The following TEP1 variants were observed in gnomAD, a reference collection of about 807,000 sequenced individuals.
TEP1 encodes the protein telomerase associated protein 1, also known as telomerase protein component 1.
Under a neutral mutation model 306.3 loss-of-function variants are expected in TEP1, and 241 were observed. The observed-to-expected ratio is 0.79, with a 90% confidence interval of 0.71 to 0.88. The LOEUF (loss-of-function observed/expected upper bound fraction) is 0.88, where lower values mean the gene tolerates loss of function less well. TEP1 is among the 40% of genes least tolerant of loss of function. The pLI, the probability that TEP1 is intolerant of heterozygous loss-of-function variation, is 0.00. For missense variants in TEP1, 3,051 were observed against 3,276.1 expected (o/e 0.93, Z 1.68); for synonymous variants, 1,289 against 1,305.5 (o/e 0.99, Z 0.27).
intron 6 of TEP1, 26 bp from the exon 7 acceptor site, chr14:20,403,474 A>G (rs1262160556): frequency 1.2e-6 from 2 of 1,613,090 alleles, no homozygotes; most frequent in East Asian, 2.2e-5. Context: ...AAGCAATTTC[A>G]AAAAAAGGGA....
intron 45 of TEP1, 33 bp from the exon 46 acceptor site, chr14:20,373,616 G>C (rs1200089229): frequency 6.2e-7 from 1 of 1,614,072 alleles, no homozygotes; most frequent in South Asian, 1.1e-5. Flanking sequence ...TCAGAAGAAG[G>C]GACGGAGCAG....
chr14:20,399,985 C>T (rs1468525343), intron 9 of TEP1, among the ~76,000 whole-genome samples: 2 of 150,860 alleles, frequency 1.3e-5, no homozygotes, highest in Non-Finnish European at 3.0e-5. Flanking sequence ...GGTGAAACGC[C>T]GTCTCTACTA....
chr14:20,386,373 A>T, intron 19 of TEP1, 74 bp downstream of exon 19: 1 of 1,572,742 alleles, frequency 6.4e-7, no homozygotes, highest in Non-Finnish European at 8.6e-7. Flanking sequence ...TGCAGCCCCA[A>T]CCATGCCCAC....
At chr14:20,382,776 C>A in intron 27 of TEP1, 61 bp from the exon 28 acceptor site, 1 of 1,512,486 alleles carries the variant, frequency 6.6e-7, no homozygotes, top group Non-Finnish European at 9.2e-7. Context: ...AGCCCTCTGC[C>A]CCAGCACCAG....
chr14:20,389,782 A>G, intron 15 of TEP1, 42 bp from the exon 16 acceptor site: 1 of 1,611,332 alleles, frequency 6.2e-7, no homozygotes, highest in Non-Finnish European at 8.5e-7. Flanking sequence ...AAGGGATGCT[A>G]GACAGCCCAG....
Position 20,385,113 on chromosome 14 carries a change from C to T in TEP1, c.2983-4G>A, listed in dbSNP as rs775179391. 7.4e-6 allele frequency: 12 copies of T among 1,613,676 alleles called. No individual in the cohort carries two copies. The highest frequency in any genetic ancestry group is 4.4e-5 in the South Asian group (4 of 91,054). On this transcript the variant is annotated splice_region_variant and splice_polypyrimidine_tract_variant and intron_variant, in intron 20 of 54. Transcript: ENST00000262715. ...GCCCTGAAGGGTACTGCTGGGCCTG[C>T]GGGGAGGACAGAGACAGTGAGTTTA...
intron 7 of TEP1, among the ~76,000 whole-genome samples, chr14:20,402,668 A>G (rs1480623217): frequency 6.6e-6 from 1 of 152,212 alleles, no homozygotes; most frequent in Non-Finnish European, 1.5e-5. Context: ...CATAGCCAGT[A>G]AGGGGTGGAT....
At chr14:20,375,319 G>C (rs565168246) in intron 43 of TEP1, among the ~76,000 whole-genome samples, 1 of 152,102 alleles carries the variant, frequency 6.6e-6, no homozygotes, top group Admixed American at 6.5e-5. Context: ...ACCACGCCTG[G>C]CTAATTTTGT....
chr14:20,395,748 C>A, intron 11 of TEP1, 111 bp downstream of exon 11: 8 of 1,490,342 alleles, frequency 5.4e-6, no homozygotes, highest in South Asian at 3.7e-5. Flanking sequence ...CTGCCCCCCA[C>A]CCCGATACAC....
At chr14:20,371,156 A>G (rs1304298413) in intron 51 of TEP1, 62 bp downstream of exon 51, 1 of 1,434,820 alleles carries the variant, frequency 7.0e-7, no homozygotes, top group Non-Finnish European at 9.8e-7. Context: ...ACGGGCCCCA[A>G]GGTGTAAAAA....
At chr14:20,404,498 G>T (rs568031425) in intron 5 of TEP1, 113 bp downstream of exon 5, 3 of 1,347,250 alleles carry the variant, frequency 2.2e-6, no homozygotes, top group African/African-American at 1.5e-5. Flanking sequence ...GGGCACCAAT[G>T]CTGAGGAAAG....
chr14:20,393,526 T>C (rs1314764438), intron 12 of TEP1, among the ~76,000 whole-genome samples: 2 of 152,242 alleles, frequency 1.3e-5, no homozygotes, highest in Non-Finnish European at 2.9e-5. Context: ...GCATGGTGGC[T>C]TACGCCTGTA....
chr14:20,371,595 C>T lies in TEP1; in HGVS notation c.7114G>A (p.Val2372Met), dbSNP rs757280062. 3 of 1,590,948 alleles carry T rather than the reference C, an allele frequency of 1.9e-6. No homozygotes were observed. Among genetic ancestry groups the T allele is most frequent in the East Asian group, 2.2e-5 (1 of 44,814 alleles). Residue 2372 changes from valine (V) to methionine (M), a missense_variant, in exon 50 of 55, where the codon GTG (valine) becomes ATG (methionine). Physicochemically the swap from Val to Met is conservative, Grantham distance 21. This residue lies in a region of TEP1 where 1,540 missense variants were observed against 1,705.9 expected (regional missense o/e 0.90). Transcript: ENST00000262715. ...LNRILQEDLG[V>M]LTSLDWAPDG... Reference sequence around the variant, plus strand: ...GGAGCCCAATCCAGACTTGTCAGCACCCCTAAGTCCTCCTGTAGAATTCGG... The same window carrying T: ...GGAGCCCAATCCAGACTTGTCAGCATCCCTAAGTCCTCCTGTAGAATTCGG...
intron 37 of TEP1, 83 bp downstream of exon 37, chr14:20,378,671 C>G (rs1385177318): frequency 1.3e-6 from 2 of 1,578,474 alleles, no homozygotes; most frequent in East Asian, 4.5e-5. Flanking sequence ...GAGTCAGCAG[C>G]CTCTGCCGCA....
chr14:20,377,535 G>A (rs201794310), intron 40 of TEP1, 43 bp from the exon 41 acceptor site: 1 of 1,612,370 alleles, frequency 6.2e-7, no homozygotes, highest in Admixed American at 1.7e-5. Flanking sequence ...ACTTGGGAAG[G>A]GGTAGGGGGC....
Position 20,369,917 on chromosome 14 carries a change from A to AGTCTTTT in TEP1, c.7318-139_7318-138insAAAAGAC, listed in dbSNP as rs59667471. The AGTCTTTT allele has an allele frequency of 7.6e-3, 4,462 of 588,214 alleles. 29 individuals are homozygous for AGTCTTTT. Among genetic ancestry groups the AGTCTTTT allele is most frequent in the Middle Eastern group, 0.017 (34 of 2,050 alleles). 36.4% of individuals were successfully genotyped at this position (588,214 alleles called of 1,614,324 possible). A position where few individuals can be genotyped will look rare whatever the true frequency, so the allele number is the denominator to read the frequency against. On this transcript the variant is annotated intron_variant, in intron 51 of 54. Coordinates refer to ENST00000262715, the MANE Select transcript of TEP1 (RefSeq NM_007110.5). ...CAACTTAGATACAATCAAGTGCGCAAATTTTTTTTTTTTTGAGACGGAGTC... is the reference window on the plus strand; with the variant it reads ...CAACTTAGATACAATCAAGTGCGCAAGTCTTTTATTTTTTTTTTTTTGAGACGGAGTC...
At chr14:20,404,013 A>G (rs770713478) in intron 5 of TEP1, 129 bp from the exon 6 acceptor site, 2 of 1,262,170 alleles carry the variant, frequency 1.6e-6, no homozygotes, top group Non-Finnish European at 2.2e-6. Flanking sequence ...TAGCTCCAAA[A>G]TCACAATTTC....
chr14:20,395,824 G>A (rs765524432), intron 11 of TEP1, 35 bp downstream of exon 11: 8 of 1,591,910 alleles, frequency 5.0e-6, no homozygotes, highest in Non-Finnish European at 6.0e-6. Flanking sequence ...TCAGATGTGG[G>A]AGGCAAAGAG....
Position 20,368,515 on chromosome 14 carries a change from A to G in TEP1, c.7806T>C (p.Pro2602=). 1 of 1,614,142 alleles carries G rather than the reference A, an allele frequency of 6.2e-7. No individual in the cohort carries two copies. The highest frequency in any genetic ancestry group is 2.2e-5 in the East Asian group (1 of 44,878). Residue 2602 remains proline (P), a synonymous_variant, in exon 55 of 55, where the codon CCT becomes CCC. Coordinates refer to ENST00000262715, the MANE Select transcript of TEP1 (RefSeq NM_007110.5). The part of the protein sequence containing the change: ...RCEGSVSCLE[P]WLGANSTLQL... Reference sequence around the variant, plus strand: ...GCAGGGTGGAGTTAGCGCCCAGCCAAGGTTCCAGGCAGCTCACTGACCCTT... The same window carrying G: ...GCAGGGTGGAGTTAGCGCCCAGCCAGGGTTCCAGGCAGCTCACTGACCCTT...
Sources: allele counts gnomAD v4.1 joint callset (sites outside exome capture counted in the v4.1 genomes callset), GRCh38; gene constraint gnomAD v4.1.1; regional missense constraint gnomAD v4.1.1; transcripts MANE v1.5; gene names NCBI Gene and HGNC (gene_info 2026-07-23, HGNC 2026-07-21).